The following BMP7 variants were observed in gnomAD, a reference collection of about 807,000 sequenced individuals.
BMP7 encodes the protein bone morphogenetic protein 7.
Under a neutral mutation model 41.2 loss-of-function variants are expected in BMP7, and 12 were observed. That is an observed-to-expected ratio of 0.29 (90% CI 0.19 to 0.47). The LOEUF is 0.47. Ranked by LOEUF, BMP7 falls within the 20% of genes least tolerant of loss-of-function variation. The pLI is 0.99. For missense variants in BMP7, 467 were observed against 606.0 expected (o/e 0.77, Z 2.41); for synonymous variants, 248 against 250.0 (o/e 0.99, Z 0.07).
intron 1 of BMP7, among the ~76,000 whole-genome samples, chr20:57,263,288 C>T (rs541069172): frequency 6.6e-5 from 10 of 152,314 alleles, no homozygotes; most frequent in African/African-American, 1.9e-4. Flanking sequence ...TCAGACAAGC[C>T]GGTCTTTGTC....
intron 3 of BMP7, among the ~76,000 whole-genome samples, chr20:57,192,523 A>T (rs557129681): frequency 6.6e-6 from 1 of 151,616 alleles, no homozygotes; most frequent in East Asian, 1.9e-4. Flanking sequence ...ATTTACTTTG[A>T]TTATTTGTAT....
At chr20:57,265,368 G>C (rs1041742373) in intron 1 of BMP7, among the ~76,000 whole-genome samples, 4 of 152,152 alleles carry the variant, frequency 2.6e-5, no homozygotes, top group African/African-American at 9.7e-5. Flanking sequence ...AGCGCGAGCC[G>C]CGCCGGCCCG....
At chr20:57,177,517 T>G (rs1315548932) in intron 4 of BMP7, among the ~76,000 whole-genome samples, 1 of 152,104 alleles carries the variant, frequency 6.6e-6, no homozygotes, top group East Asian at 1.9e-4. Context: ...CCAGCTAATT[T>G]TTGTATTTTT....
At chr20:57,249,026 C>A (rs1258521459) in intron 1 of BMP7, among the ~76,000 whole-genome samples, 1 of 151,976 alleles carries the variant, frequency 6.6e-6, no homozygotes, top group African/African-American at 2.4e-5. Context: ...TGGTCTTGAT[C>A]TCCTGATGTC....
At chr20:57,265,259 G>A (rs900032122) in intron 1 of BMP7, among the ~76,000 whole-genome samples, 43 of 152,294 alleles carry the variant, frequency 2.8e-4, no homozygotes, top group African/African-American at 1.0e-3. Context: ...GGAGGGTAAG[G>A]GGGTGCGACG....
intron 3 of BMP7, among the ~76,000 whole-genome samples, chr20:57,188,073 C>G (rs185450344): frequency 9.2e-5 from 14 of 152,180 alleles, no homozygotes; most frequent in African/African-American, 3.4e-4. Flanking sequence ...GTAGTCTTCA[C>G]GTGACCCAAC....
At chr20:57,203,500 G>C (rs1984669122) in intron 2 of BMP7, among the ~76,000 whole-genome samples, 1 of 151,934 alleles carries the variant, frequency 6.6e-6, no homozygotes, top group South Asian at 2.1e-4. Context: ...TGGATGGATG[G>C]ATGAGTAGAT....
At chr20:57,202,970 T>C (rs1394872258) in intron 2 of BMP7, among the ~76,000 whole-genome samples, 1 of 152,176 alleles carries the variant, frequency 6.6e-6, no homozygotes, top group African/African-American at 2.4e-5. Flanking sequence ...AGAGCAGAAG[T>C]TGATAGTGAC....
At chr20:57,231,472 T>C (rs192117630) in intron 1 of BMP7, among the ~76,000 whole-genome samples, 172 of 152,216 alleles carry the variant, frequency 1.1e-3, no homozygotes, top group Admixed American at 3.3e-3. Flanking sequence ...TTTTCATGAG[T>C]ATGCTAGGAG....
chr20:57,189,616 G>A (rs959237809), intron 3 of BMP7, among the ~76,000 whole-genome samples: 7 of 152,136 alleles, frequency 4.6e-5, no homozygotes, highest in African/African-American at 1.2e-4. Context: ...ATATTTCCAC[G>A]TCGATGAAAC....
chr20:57,186,908 G>A (rs1984225889), intron 3 of BMP7: 1 of 152,134 alleles, frequency 6.6e-6, no homozygotes, highest in Non-Finnish European at 1.5e-5. Flanking sequence ...GGGTTTCCCG[G>A]AGTTCACCCA....
intron 2 of BMP7, among the ~76,000 whole-genome samples, chr20:57,209,287 GTA>G (rs1984825953): frequency 1.4e-5 from 1 of 69,710 alleles, no homozygotes; most frequent in African/African-American, 4.6e-5. Context: ...ATATATATAT[GTA>G]TATAAATTAA....
intron 2 of BMP7, among the ~76,000 whole-genome samples, chr20:57,203,519 G>A (rs1034341493): frequency 2.6e-5 from 4 of 151,942 alleles, no homozygotes; most frequent in Non-Finnish European, 2.9e-5. Flanking sequence ...ATGGGTGGGC[G>A]GGTAGGTGAA....
Position 57,266,264 on chromosome 20 carries a change from C to A in BMP7, c.-142G>T. On this transcript the variant is annotated 5_prime_UTR_variant, in exon 1 of 7. Transcript: ENST00000395863. Reference sequence around the variant, plus strand: ...TGCGCCCGCGCCAGACATGGCCCCTCCCCGGCCGGCCGCGCTCTGCCCGGA... The same window carrying A: ...TGCGCCCGCGCCAGACATGGCCCCTACCCGGCCGGCCGCGCTCTGCCCGGA... 2 of 806,872 alleles carry A rather than the reference C, an allele frequency of 2.5e-6. No homozygotes were observed. The highest frequency in any genetic ancestry group is 3.4e-6 in the Non-Finnish European group (2 of 594,984). 50.0% of individuals were successfully genotyped at this position (806,872 alleles called of 1,614,324 possible).
At chr20:57,223,582 T>C (rs933848426) in intron 2 of BMP7, among the ~76,000 whole-genome samples, 4 of 152,198 alleles carry the variant, frequency 2.6e-5, no homozygotes, top group African/African-American at 9.7e-5. Context: ...CTCTGCCACT[T>C]TGTAGCTGTG....
chr20:57,237,734 G>T (rs571122430), intron 1 of BMP7, among the ~76,000 whole-genome samples: 2 of 152,266 alleles, frequency 1.3e-5, no homozygotes, highest in Admixed American at 6.5e-5. Flanking sequence ...ACAGAACATC[G>T]CCTAGAAGTT....
intron 3 of BMP7, among the ~76,000 whole-genome samples, chr20:57,195,226 C>T (rs545671897): frequency 4.6e-5 from 7 of 152,330 alleles, no homozygotes; most frequent in South Asian, 2.1e-4. Context: ...AGCCCACCCA[C>T]GCCGCACAGG....
At chr20:57,178,280 A>G (rs1445018093) in intron 4 of BMP7, among the ~76,000 whole-genome samples, 1 of 152,190 alleles carries the variant, frequency 6.6e-6, no homozygotes, top group Admixed American at 6.5e-5. Flanking sequence ...GCAGGCACTG[A>G]GCCTGGCAAG....
intron 1 of BMP7, among the ~76,000 whole-genome samples, chr20:57,263,007 A>C (rs950923202): frequency 2.6e-5 from 4 of 152,216 alleles, no homozygotes; most frequent in Non-Finnish European, 5.9e-5. Context: ...ACAGGATAGA[A>C]GGGACAGGCC....
Sources: allele counts gnomAD v4.1 joint callset (sites outside exome capture counted in the v4.1 genomes callset), GRCh38; gene constraint gnomAD v4.1.1; transcripts MANE v1.5; gene names NCBI Gene and HGNC (gene_info 2026-07-23, HGNC 2026-07-21).